Variants in PPM1G observed in about 807,000 individuals in gnomAD.
PPM1G encodes the protein protein phosphatase 1G.
PPM1G carries 12 observed loss-of-function variants against 59.4 expected under a neutral mutation model. The ratio of observed to expected loss-of-function variants is 0.20; its 90% confidence interval spans 0.13 to 0.33. The LOEUF is 0.33. Among genes scored for constraint, PPM1G ranks in the 10% least tolerant of loss-of-function variants. PPM1G has a pLI of 1.00. For synonymous variants in PPM1G, 245 were observed against 251.9 expected (o/e 0.97, Z 0.26); for missense variants, 392 against 681.3 (o/e 0.58, Z 4.73).
chr2:27,383,203 A>G lies in PPM1G; in HGVS notation c.1201+163T>C, dbSNP rs1012642963. ...TATAATGATACCTATGTATAATGAT[A>G]CCTCTACCCATCTTAGTTATTTCAC... is the stretch of plus-strand genomic sequence containing the variant. On this transcript the variant is annotated intron_variant, in intron 7 of 9. Transcript: ENST00000344034. This position sits in a 1 kb window ranked among gnomAD's most constrained non-coding sequence, Gnocchi z 5.0. Among the ~76,000 whole-genome samples the G allele has an allele frequency of 2.6e-5, 4 of 152,202 alleles. No individual in the cohort carries two copies. The highest frequency in any genetic ancestry group is 9.7e-5 in the African/African-American group (4 of 41,434).
chr2:27,398,651 G>A (rs957319647), intron 1 of PPM1G, among the ~76,000 whole-genome samples: 1 of 151,650 alleles, frequency 6.6e-6, no homozygotes, highest in Non-Finnish European at 1.5e-5. Flanking sequence ...GTGAAACCCC[G>A]TCTCTACTAA....
intron 1 of PPM1G, chr2:27,393,020 G>A: frequency 2.7e-6 from 4 of 1,471,436 alleles, no homozygotes; most frequent in African/African-American, 1.4e-5. Context: ...TTTTCCAAAT[G>A]TAATGCAAAA....
At position 27,384,150 on chromosome 2, in the gene PPM1G, G is replaced by A; in HGVS notation, c.826-58C>T. The A allele has an allele frequency of 6.2e-7, 1 of 1,609,554 alleles. No homozygotes were observed. Among genetic ancestry groups the A allele is most frequent in the Non-Finnish European group, 8.5e-7 (1 of 1,177,924 alleles). On this transcript the variant is annotated intron_variant, in intron 5 of 9. Transcript: ENST00000344034. The surrounding 1 kb of genome is among the most constrained non-coding windows in gnomAD (Gnocchi z 4.8). ...TGGGATGATCCCCTCCCTCCCCACA[G>A]CTCATACTCAGAATCAAGAGGTCCT...
chr2:27,390,228 C>T (rs1281108634), intron 1 of PPM1G, among the ~76,000 whole-genome samples: 1 of 152,106 alleles, frequency 6.6e-6, no homozygotes, highest in Non-Finnish European at 1.5e-5. Flanking sequence ...CCATGTTGCC[C>T]AGGCTCTTCT....
intron 1 of PPM1G, among the ~76,000 whole-genome samples, chr2:27,398,481 T>C (rs1684102659): frequency 6.6e-6 from 1 of 152,022 alleles, no homozygotes; most frequent in Non-Finnish European, 1.5e-5. Context: ...AATAGACAAA[T>C]TGGACTTTAT....
intron 1 of PPM1G, among the ~76,000 whole-genome samples, chr2:27,396,244 C>T (rs1043759233): frequency 6.6e-6 from 1 of 151,994 alleles, no homozygotes; most frequent in East Asian, 1.9e-4. Context: ...TGCACTCCAG[C>T]CTGGGCGACA....
Position 27,402,854 on chromosome 2 carries a change from AAAAT to A in PPM1G, c.120+6445_120+6448del, listed in dbSNP as rs1684218203. Among the ~76,000 whole-genome samples, 3 of 147,448 alleles carry A rather than the reference AAAAT, an allele frequency of 2.0e-5. No individual in the cohort carries two copies. The Admixed American group carries it at 2.0e-4, about 10-fold the overall frequency. ...TAAATAAATAAATAAATAAATAAAT[AAAAT>A]AAACATAAATAAAATTCCTCAGCCT... On this transcript the variant is annotated intron_variant, in intron 1 of 9. Coordinates refer to ENST00000344034, the MANE Select transcript of PPM1G (RefSeq NM_177983.3).
chr2:27,406,198 G>A (rs1008263807), intron 1 of PPM1G, among the ~76,000 whole-genome samples: 3 of 152,184 alleles, frequency 2.0e-5, no homozygotes, highest in Non-Finnish European at 4.4e-5. Flanking sequence ...TACCTCAAAT[G>A]AAGCATTAGG....
rs1200414947 is a variant in PPM1G, at chr2:27,384,917, T to G, written c.581A>C (p.Asp194Ala). Residue 194 changes from aspartate (D) to alanine (A), a missense_variant, in exon 5 of 10, where the codon GAC becomes GCC. Coordinates refer to ENST00000344034, the MANE Select transcript of PPM1G (RefSeq NM_177983.3). The surrounding 1 kb of genome is among the most constrained non-coding windows in gnomAD (Gnocchi z 4.8). ...TTGTGAAGGAGTTTCCCTAGTTGAG[T>G]CCTCAGGTCCTGCCTCCCCATTGAG... ...QGLNGEAGPE[D>A]STRETPSQEN... 1.2e-6 allele frequency: 2 copies of G among 1,614,116 alleles called. No homozygotes were observed. Among genetic ancestry groups the G allele is most frequent in the South Asian group, 2.2e-5 (2 of 91,078 alleles).
intron 1 of PPM1G, among the ~76,000 whole-genome samples, chr2:27,396,956 GC>G (rs2148424888): frequency 6.6e-6 from 1 of 152,062 alleles, no homozygotes; most frequent in East Asian, 1.9e-4. Flanking sequence ...TGCAACCTCT[GC>G]CTCCGTGGTT....
intron 1 of PPM1G, among the ~76,000 whole-genome samples, chr2:27,395,692 T>G (rs1467333121): frequency 6.6e-6 from 1 of 151,454 alleles, no homozygotes; most frequent in Non-Finnish European, 1.5e-5. Context: ...AAAAATTTTT[T>G]AAATTAGCCA....
chr2:27,384,901 A>T lies in PPM1G; in HGVS notation c.597T>A (p.Thr199=), dbSNP rs768440109. 1.5e-5 allele frequency: 24 copies of T among 1,614,112 alleles called. No individual in the cohort carries two copies. The highest frequency in any genetic ancestry group is 2.0e-5 in the Non-Finnish European group (24 of 1,180,018). The part of the protein sequence containing the change: ...EAGPEDSTRE[T]PSQENGPTAK... ...CTGTGGGGCCATTTTCTTGTGAAGG[A>T]GTTTCCCTAGTTGAGTCCTCAGGTC... Residue 199 remains threonine (T), a synonymous_variant, in exon 5 of 10, where the codon ACT becomes ACA. Coordinates refer to ENST00000344034, the MANE Select transcript of PPM1G (RefSeq NM_177983.3). This position sits in a 1 kb window ranked among gnomAD's most constrained non-coding sequence, Gnocchi z 4.8.
At chr2:27,393,138 C>T (rs937664347) in intron 1 of PPM1G, 16 of 1,378,492 alleles carry the variant, frequency 1.2e-5, no homozygotes, top group African/African-American at 7.1e-5. Flanking sequence ...TCGGCCACCT[C>T]GTTGGTTCTA....
At chr2:27,386,400 C>T (rs903437790) in intron 2 of PPM1G, 121 bp from the exon 3 acceptor site, 3 of 654,618 alleles carry the variant, frequency 4.6e-6, no homozygotes, top group Non-Finnish European at 8.0e-6. Flanking sequence ...ATCTTAGCAC[C>T]CCTGAACCCT....
chr2:27,402,841 TAAATAAATAAATA>T (rs1684216525), intron 1 of PPM1G, among the ~76,000 whole-genome samples: 1 of 135,176 alleles, frequency 7.4e-6, no homozygotes, highest in African/African-American at 3.0e-5. Context: ...AATAAATAAA[TAAATAAATAAATA>T]AAATAAACAT....
At chr2:27,396,604 G>A (rs903988198) in intron 1 of PPM1G, among the ~76,000 whole-genome samples, 3 of 151,694 alleles carry the variant, frequency 2.0e-5, no homozygotes, top group Non-Finnish European at 4.4e-5. Flanking sequence ...CACTTGAGGT[G>A]AGGAGTTAGA....
chr2:27,409,479 A>T lies in PPM1G; in HGVS notation c.-57T>A, dbSNP rs185804071. ...GAAAGCTGGGCGCGACCCGTGCCGGAGCCGAAGCCCCGGGGGTGCGCGCGG... is the reference window on the plus strand; with the variant it reads ...GAAAGCTGGGCGCGACCCGTGCCGGTGCCGAAGCCCCGGGGGTGCGCGCGG... On this transcript the variant is annotated 5_prime_UTR_variant, in exon 1 of 10. Coordinates refer to ENST00000344034, the MANE Select transcript of PPM1G (RefSeq NM_177983.3). The T allele has an allele frequency of 2.8e-4, 401 of 1,417,330 alleles. 4 individuals carry two copies. In the East Asian group the frequency reaches 0.012, roughly 43 times the overall value. The allele number at this position is 1,417,330 out of a possible 1,614,324, so 87.8% of individuals were successfully genotyped here. A position where few individuals can be genotyped will look rare whatever the true frequency, so the allele number is the denominator to read the frequency against.
At position 27,384,066 on chromosome 2, in the gene PPM1G, G is replaced by A; in HGVS notation, c.852C>T (p.Tyr284=). 1 of 1,613,846 alleles carries A rather than the reference G, an allele frequency of 6.2e-7. No homozygotes were observed. Among genetic ancestry groups the A allele is most frequent in the Non-Finnish European group, 8.5e-7 (1 of 1,179,900 alleles). The change falls in exon 6 of 10, where the codon TAC becomes TAT. Residue 284 remains tyrosine (Y), a synonymous_variant. Transcript: ENST00000344034. This position sits in a 1 kb window ranked among gnomAD's most constrained non-coding sequence, Gnocchi z 4.8. ...CCTCATTCTCTGCCTCCTCACTGCT[G>A]TAGCCATCCTCTTCCTCGCTGCATT... ...SEECSEEEDG[Y]SSEEAENEED... is the part of the protein sequence containing the mutation.
chr2:27,386,286 G>C lies in PPM1G; in HGVS notation c.191-7C>G. On this transcript the variant is annotated splice_polypyrimidine_tract_variant and splice_region_variant and intron_variant, in intron 2 of 9. Coordinates refer to ENST00000344034, the MANE Select transcript of PPM1G (RefSeq NM_177983.3). ...TACAAGGCAACTTCCTCCCCTAGAA[G>C]GAAAGGAAGGAAGGTCACCTGGAGC... 6.3e-7 allele frequency: 1 copy of C among 1,596,030 alleles called. No individual in the cohort carries two copies. Among genetic ancestry groups the C allele is most frequent in the East Asian group, 2.2e-5 (1 of 44,740 alleles).
Sources: gnomAD v4.1 joint callset for allele counts (sites outside exome capture counted in the v4.1 genomes callset) on GRCh38, gnomAD v4.1.1 for gene constraint, Gnocchi (gnomAD v3.1) non-coding constraint, MANE v1.5 for transcripts, NCBI Gene and HGNC (gene_info 2026-07-23, HGNC 2026-07-21) for gene names.